TTPA: variants seen among roughly 807,000 people sequenced by gnomAD.
TTPA encodes the protein alpha tocopherol transfer protein, also known as alpha-tocopherol transfer protein.
In TTPA, 23 loss-of-function variants were observed where a neutral mutation model predicts 25.9. The observed-to-expected ratio is 0.89, with a 90% CI of 0.64 to 1.26. TTPA has a LOEUF of 1.26. TTPA is among the 50% of genes most tolerant of loss of function. The pLI, the probability that TTPA is intolerant of heterozygous loss-of-function variation, is 0.00. For missense variants in TTPA, 337 were observed against 353.1 expected (o/e 0.95, Z 0.37); for synonymous variants, 148 against 137.3 (o/e 1.08, Z -0.54).
At chr8:63,065,223 T>C (rs1805370463) in intron 3 of TTPA, among the ~76,000 whole-genome samples, 1 of 152,188 alleles carries the variant, frequency 6.6e-6, no homozygotes, top group Non-Finnish European at 1.5e-5. Flanking sequence ...GACTTTTACA[T>C]TCAGGTGACC....
intron 1 of TTPA, among the ~76,000 whole-genome samples, chr8:63,080,226 C>A (rs1805638189): frequency 6.6e-6 from 1 of 152,142 alleles, no homozygotes; most frequent in South Asian, 2.1e-4. Context: ...CAGGAAGGAT[C>A]TCAAATCGAC....
At chr8:63,085,584 TC>T (rs1427565330) in intron 1 of TTPA, among the ~76,000 whole-genome samples, 3 of 152,180 alleles carry the variant, frequency 2.0e-5, no homozygotes, top group African/African-American at 7.2e-5. Context: ...ATCCCATGAC[TC>T]CAACACTTTC....
At chr8:63,075,223 G>C (rs1384121413) in intron 1 of TTPA, among the ~76,000 whole-genome samples, 2 of 152,162 alleles carry the variant, frequency 1.3e-5, no homozygotes, top group Non-Finnish European at 2.9e-5. Flanking sequence ...GCAAACATTA[G>C]AAGTAAATAA....
intron 1 of TTPA, among the ~76,000 whole-genome samples, chr8:63,080,355 C>T (rs1196344607): frequency 6.6e-6 from 1 of 152,152 alleles, no homozygotes; most frequent in African/African-American, 2.4e-5. Flanking sequence ...ATACAAAAAA[C>T]CCTTTGAAAA....
chr8:63,078,399 G>A (rs1254907857), intron 1 of TTPA, among the ~76,000 whole-genome samples: 3 of 152,246 alleles, frequency 2.0e-5, no homozygotes, highest in Non-Finnish European at 2.9e-5. Context: ...TGAGCTAAAG[G>A]AGCATGTTCA....
intron 1 of TTPA, among the ~76,000 whole-genome samples, chr8:63,080,690 A>G (rs1805647355): frequency 6.6e-6 from 1 of 150,760 alleles, no homozygotes; most frequent in Admixed American, 6.6e-5. Context: ...ACTGCACTCC[A>G]GCCTGGGTGA....
intron 2 of TTPA, among the ~76,000 whole-genome samples, chr8:63,068,302 G>A (rs7819122): frequency 0.017 from 2,597 of 152,286 alleles, 79 homozygotes; most frequent in African/African-American, 0.06. Flanking sequence ...ATGAGTAGAA[G>A]AGGAAATGCC....
At chr8:63,073,781 T>A (rs916712867) in intron 1 of TTPA, among the ~76,000 whole-genome samples, 1 of 152,196 alleles carries the variant, frequency 6.6e-6, no homozygotes, top group Non-Finnish European at 1.5e-5. Flanking sequence ...ACTTTTAGTA[T>A]TTTTTGAAAT....
chr8:63,081,474 T>A (rs931810603), intron 1 of TTPA, among the ~76,000 whole-genome samples: 1 of 152,184 alleles, frequency 6.6e-6, no homozygotes, highest in African/African-American at 2.4e-5. Flanking sequence ...AAAAACTAGA[T>A]ATTTATGGAA....
intron 1 of TTPA, 27 bp from the exon 2 acceptor site, chr8:63,073,115 C>T: frequency 6.4e-7 from 1 of 1,558,182 alleles, no homozygotes; most frequent in South Asian, 1.1e-5. Flanking sequence ...AAATTGTCTA[C>T]AAATGGCATA....
At chr8:63,077,268 G>A (rs754713455) in intron 1 of TTPA, among the ~76,000 whole-genome samples, 45 of 152,270 alleles carry the variant, frequency 3.0e-4, no homozygotes, top group Middle Eastern at 6.8e-3. Context: ...TGATTTCTGC[G>A]TTTCCAACTG....
Position 63,060,963 on chromosome 8 carries a change from G to A in TTPA, c.*289C>T, listed in dbSNP as rs1041346634. ...TAGAAACATACAAAGATGCACATGA[G>A]CAGCTACTTTAGCAATAACTTTCAT... On this transcript the variant is annotated 3_prime_UTR_variant, in exon 5 of 5. Coordinates refer to ENST00000260116, the MANE Select transcript of TTPA (RefSeq NM_000370.3). 1 of 297,912 alleles carries A rather than the reference G, an allele frequency of 3.4e-6. No individual in the cohort carries two copies. The highest frequency in any genetic ancestry group is 7.4e-5 in the East Asian group (1 of 13,576). The allele number at this position is 297,912 out of a possible 1,614,324, so 18.5% of individuals were successfully genotyped here.
intron 2 of TTPA, among the ~76,000 whole-genome samples, chr8:63,067,491 G>A (rs1031512111): frequency 6.7e-6 from 1 of 148,710 alleles, no homozygotes. Context: ...GTGCCTAACA[G>A]GATGAACGAA....
intron 4 of TTPA, among the ~76,000 whole-genome samples, chr8:63,063,640 T>G (rs1485119214): frequency 6.6e-6 from 1 of 152,210 alleles, no homozygotes; most frequent in Non-Finnish European, 1.5e-5. Flanking sequence ...TCCACTTATA[T>G]TATTTTTTGT....
intron 1 of TTPA, 133 bp downstream of exon 1, chr8:63,085,685 T>G: frequency 1.8e-6 from 2 of 1,089,716 alleles, no homozygotes; most frequent in Non-Finnish European, 2.6e-6. Flanking sequence ...CGCCGGGTGG[T>G]TAGGGGCGCG....
intron 2 of TTPA, among the ~76,000 whole-genome samples, chr8:63,072,582 C>A (rs1344336955): frequency 1.3e-5 from 2 of 152,190 alleles, no homozygotes. Context: ...TTTTGAAACA[C>A]TTTTCCATGA....
At chr8:63,079,045 A>C (rs1275566738) in intron 1 of TTPA, among the ~76,000 whole-genome samples, 1 of 152,232 alleles carries the variant, frequency 6.6e-6, no homozygotes, top group African/African-American at 2.4e-5. Flanking sequence ...AACATTCTTA[A>C]AGAAAAGAAT....
chr8:63,081,600 C>T (rs543174072), intron 1 of TTPA, among the ~76,000 whole-genome samples: 1 of 152,296 alleles, frequency 6.6e-6, no homozygotes, highest in East Asian at 1.9e-4. Flanking sequence ...GATGCCCTCT[C>T]TCACCATTCC....
At chr8:63,070,317 C>T (rs961828285) in intron 2 of TTPA, among the ~76,000 whole-genome samples, 5 of 152,174 alleles carry the variant, frequency 3.3e-5, no homozygotes, top group African/African-American at 9.7e-5. Context: ...GGTTGCCCGG[C>T]CCGCATGGAG....
Sources: allele counts gnomAD v4.1 joint callset (sites outside exome capture counted in the v4.1 genomes callset), GRCh38; gene constraint gnomAD v4.1.1; transcripts MANE v1.5; gene names NCBI Gene and HGNC (gene_info 2026-07-23, HGNC 2026-07-21).